The following MARCHF11 variants were observed in gnomAD, a reference collection of about 807,000 sequenced individuals.
The protein encoded by MARCHF11 is E3 ubiquitin-protein ligase MARCHF11.
MARCHF11 carries 29 observed loss-of-function variants against 37.3 expected under a neutral mutation model. That is an observed-to-expected ratio of 0.78 (90% confidence interval 0.58 to 1.06). MARCHF11 has a LOEUF of 1.06. Ranked by LOEUF, MARCHF11 falls within the 50% of genes least tolerant of loss-of-function variation. The pLI, the probability that MARCHF11 is intolerant of heterozygous loss-of-function variation, is 0.00. For synonymous variants in MARCHF11, 233 were observed against 228.0 expected (o/e 1.02, Z -0.20); for missense variants, 482 against 533.4 (o/e 0.90, Z 0.95).
At chr5:16,142,003 C>T (rs1214316292) in intron 2 of MARCHF11, among the ~76,000 whole-genome samples, 1 of 152,154 alleles carries the variant, frequency 6.6e-6, no homozygotes, top group East Asian at 1.9e-4. Context: ...AGAACAGAGC[C>T]AACCCATGGT....
chr5:16,121,772 G>T (rs1038851499), intron 2 of MARCHF11, among the ~76,000 whole-genome samples: 2 of 152,146 alleles, frequency 1.3e-5, no homozygotes, highest in Admixed American at 1.3e-4. Flanking sequence ...ATGTGTTTAT[G>T]CTCAGTAAAA....
At chr5:16,118,576 A>T (rs1737258411) in intron 2 of MARCHF11, among the ~76,000 whole-genome samples, 1 of 152,162 alleles carries the variant, frequency 6.6e-6, no homozygotes, top group Admixed American at 6.5e-5. Flanking sequence ...GCAAGAGACA[A>T]CGTCACCTAG....
chr5:16,178,775 G>C (rs962139965), intron 1 of MARCHF11, among the ~76,000 whole-genome samples: 13 of 152,208 alleles, frequency 8.5e-5, no homozygotes, highest in Admixed American at 6.5e-4. Flanking sequence ...TAAAGCACCT[G>C]AGGAACATGT....
intron 3 of MARCHF11, among the ~76,000 whole-genome samples, chr5:16,081,066 C>T (rs2126549527): frequency 6.6e-6 from 1 of 152,290 alleles, no homozygotes; most frequent in Middle Eastern, 3.4e-3. Context: ...TTTTGCCTCT[C>T]TCGGGGCCCC....
chr5:16,170,808 A>T (rs1345362773), intron 2 of MARCHF11, among the ~76,000 whole-genome samples: 1 of 152,156 alleles, frequency 6.6e-6, no homozygotes, highest in Non-Finnish European at 1.5e-5. Context: ...TAAGCAAATT[A>T]AAATAATCTC....
At chr5:16,168,379 G>T (rs1738205443) in intron 2 of MARCHF11, among the ~76,000 whole-genome samples, 2 of 152,006 alleles carry the variant, frequency 1.3e-5, no homozygotes, top group African/African-American at 4.8e-5. Flanking sequence ...AAAAAATTCT[G>T]GCACAGTTAG....
intron 2 of MARCHF11, among the ~76,000 whole-genome samples, chr5:16,109,528 T>C (rs753921540): frequency 6.6e-6 from 1 of 152,266 alleles, no homozygotes; most frequent in Non-Finnish European, 1.5e-5. Flanking sequence ...CTCACATCCC[T>C]TGCCTTACGG....
At chr5:16,175,170 C>T (rs1738334357) in intron 2 of MARCHF11, among the ~76,000 whole-genome samples, 1 of 152,164 alleles carries the variant, frequency 6.6e-6, no homozygotes, top group East Asian at 1.9e-4. Flanking sequence ...ATGATGATAG[C>T]TTCAGGTGAT....
intron 2 of MARCHF11, among the ~76,000 whole-genome samples, chr5:16,167,182 G>A (rs1007153100): frequency 1.4e-5 from 2 of 147,288 alleles, no homozygotes; most frequent in African/African-American, 5.0e-5. Context: ...GTGTGTGTGT[G>A]TAAGAGAGTA....
intron 2 of MARCHF11, among the ~76,000 whole-genome samples, chr5:16,143,699 A>T (rs1334076677): frequency 6.6e-6 from 1 of 152,204 alleles, no homozygotes; most frequent in East Asian, 1.9e-4. Context: ...CTAGTTGAAA[A>T]ATTATGCAAG....
intron 3 of MARCHF11, among the ~76,000 whole-genome samples, chr5:16,085,678 C>T (rs1006535547): frequency 3.3e-5 from 5 of 151,838 alleles, no homozygotes; most frequent in African/African-American, 7.3e-5. Flanking sequence ...CTCCGCCGGG[C>T]GCAGTGGCTC....
chr5:16,165,756 T>A (rs1404868802), intron 2 of MARCHF11, among the ~76,000 whole-genome samples: 1 of 152,106 alleles, frequency 6.6e-6, no homozygotes, highest in Non-Finnish European at 1.5e-5. Context: ...TCACTGATAA[T>A]GTTAAACTTG....
intron 2 of MARCHF11, among the ~76,000 whole-genome samples, chr5:16,128,390 A>C (rs1374108135): frequency 6.6e-6 from 1 of 152,164 alleles, no homozygotes; most frequent in African/African-American, 2.4e-5. Flanking sequence ...GTTCAAATGC[A>C]GGCACAAAAA....
At chr5:16,173,705 A>G (rs1208758431) in intron 2 of MARCHF11, among the ~76,000 whole-genome samples, 1 of 152,220 alleles carries the variant, frequency 6.6e-6, no homozygotes, top group Non-Finnish European at 1.5e-5. Context: ...TGAGAAATAA[A>G]CAAGAAGGAC....
At position 16,150,550 on chromosome 5, in the gene MARCHF11, G is replaced by T. The variant is rs1026045527; in HGVS notation, c.693+27176C>A. Among the ~76,000 whole-genome samples, 5 of 149,036 alleles carry T rather than the reference G, an allele frequency of 3.4e-5. 2 individuals carry two copies. The highest frequency in any genetic ancestry group is 1.3e-4 in the African/African-American group (5 of 38,616). ...CATTACCTGTTAGTGAGTTGGAGGT[G>T]GCCTTTTGTAACAGTGTAATGGTCA... On this transcript the variant is annotated intron_variant, in intron 2 of 3. Coordinates refer to ENST00000332432, the MANE Select transcript of MARCHF11 (RefSeq NM_001102562.3).
Position 16,173,687 on chromosome 5 carries a change from T to C in MARCHF11, c.693+4039A>G, listed in dbSNP as rs76869248. ...AGAGAAGCCATGAACTTCACTTTGG[T>C]GACACAATGAGAAATAAACAAGAAG... On this transcript the variant is annotated intron_variant, in intron 2 of 3. Transcript: ENST00000332432. Among the ~76,000 whole-genome samples the C allele has an allele frequency of 4.2e-3, 632 of 152,224 alleles. 3 individuals carry two copies. The highest frequency in any genetic ancestry group is 0.015 in the African/African-American group (612 of 41,526).
chr5:16,110,709 C>A lies in MARCHF11; in HGVS notation c.694-19628G>T, dbSNP rs192604401. ...TATCATTATTGATAGCAGATTCAGA[C>A]AATAGTGTGGATTTATATTTCTAAT... is the stretch of plus-strand genomic sequence containing the variant. On this transcript the variant is annotated intron_variant, in intron 2 of 3. Transcript: ENST00000332432. 3.0e-3 allele frequency among the ~76,000 whole-genome samples: 452 copies of A among 152,244 alleles called. 6 individuals carry two copies. The highest frequency in any genetic ancestry group is 9.8e-3 in the African/African-American group (409 of 41,550).
chr5:16,177,734 G>C lies in MARCHF11; in HGVS notation c.685C>G (p.Pro229Ala). The C allele has an allele frequency of 6.2e-7, 1 of 1,601,832 alleles. No homozygotes were observed. The highest frequency in any genetic ancestry group is 1.7e-5 in the Admixed American group (1 of 57,356). ...ATGTTGAAACTGCTTACCTGGCAAG[G>C]TTGTTTCATTTTAATGGCTATAACA... ...YHVIAIKMKQ[P>A]CQWQSISITL... The change falls in exon 2 of 4, where the codon CCT becomes GCT. Residue 229 changes from proline to alanine, a missense_variant. Pro to Ala is a conservative substitution (Grantham distance 27). Transcript: ENST00000332432.
intron 3 of MARCHF11, among the ~76,000 whole-genome samples, chr5:16,079,029 C>A (rs1264713174): frequency 1.3e-5 from 2 of 152,174 alleles, no homozygotes; most frequent in Non-Finnish European, 2.9e-5. Flanking sequence ...ATGTGTCCTC[C>A]TGGCCTCTCA....
Sources: gnomAD v4.1 joint callset for allele counts (sites outside exome capture counted in the v4.1 genomes callset) on GRCh38, gnomAD v4.1.1 for gene constraint, MANE v1.5 for transcripts, NCBI Gene and HGNC (gene_info 2026-07-23, HGNC 2026-07-21) for gene names.